Variants in COPG2 observed in about 807,000 individuals in gnomAD.
COPG2 encodes the protein coat protein complex I subunit gamma 2, also known as coatomer subunit gamma-2.
Under a neutral mutation model 46.3 loss-of-function variants are expected in COPG2, and 37 were observed. That is an observed-to-expected ratio of 0.80 (90% CI 0.61 to 1.05). COPG2 has a LOEUF of 1.05. COPG2 is among the 50% of genes least tolerant of loss of function. The pLI is 0.00. For missense variants in COPG2, 427 were observed against 387.8 expected (o/e 1.10, Z -0.85); for synonymous variants, 159 against 129.7 (o/e 1.23, Z -1.53).
intron 8 of COPG2, 95 bp downstream of exon 8, chr7:130,612,057 T>C: frequency 1.2e-6 from 1 of 852,534 alleles, no homozygotes; most frequent in South Asian, 1.5e-5. Flanking sequence ...TTGCCTTTAG[T>C]TAATGTTTAT....
At chr7:130,517,757 C>T (rs1423845027) in intron 20 of COPG2, among the ~76,000 whole-genome samples, 1 of 152,130 alleles carries the variant, frequency 6.6e-6, no homozygotes, top group African/African-American at 2.4e-5. Flanking sequence ...TAGAGCATAA[C>T]AGGATAAGAA....
chr7:130,576,427 G>A (rs894760715), intron 9 of COPG2, among the ~76,000 whole-genome samples: 26 of 152,200 alleles, frequency 1.7e-4, no homozygotes, highest in Admixed American at 5.9e-4. Context: ...CTTCAAAACC[G>A]TGCAAATACA....
intron 9 of COPG2, among the ~76,000 whole-genome samples, chr7:130,593,954 G>A (rs1197061841): frequency 6.6e-6 from 1 of 151,870 alleles, no homozygotes; most frequent in Non-Finnish European, 1.5e-5. Flanking sequence ...TTACACTTAC[G>A]GAGCTCTGTT....
chr7:130,557,826 AAAAAAAAAAAAAT>A (rs1434507703), intron 12 of COPG2, among the ~76,000 whole-genome samples: 9 of 147,364 alleles, frequency 6.1e-5, no homozygotes, highest in South Asian at 2.1e-4. Flanking sequence ...TCAAAAAAAA[AAAAAAAAAAAAAT>A]CATGCAAGAA....
chr7:130,589,904 T>C (rs1554448569), intron 9 of COPG2, among the ~76,000 whole-genome samples: 1 of 152,216 alleles, frequency 6.6e-6, no homozygotes, highest in Non-Finnish European at 1.5e-5. Context: ...TATATTTGGA[T>C]ACTAGTCCTC....
intron 20 of COPG2, among the ~76,000 whole-genome samples, chr7:130,510,792 C>T (rs547373982): frequency 6.6e-6 from 1 of 152,206 alleles, no homozygotes; most frequent in African/African-American, 2.4e-5. Flanking sequence ...GAAGTCTAGG[C>T]AGTAATCTGT....
chr7:130,604,674 T>C (rs1554450954), intron 9 of COPG2: 2 of 504,476 alleles, frequency 4.0e-6, no homozygotes, highest in East Asian at 5.5e-5. Context: ...TCTTCACTTA[T>C]TGCACAAAGT....
At chr7:130,622,579 T>C (rs1351942148) in intron 5 of COPG2, among the ~76,000 whole-genome samples, 1 of 152,202 alleles carries the variant, frequency 6.6e-6, no homozygotes, top group African/African-American at 2.4e-5. Context: ...GCAATCACTA[T>C]TTCTACAAAA....
intron 20 of COPG2, among the ~76,000 whole-genome samples, chr7:130,513,359 GTATATATATATATATA>G (rs1159332493): frequency 0.03 from 1,110 of 36,622 alleles, 29 homozygotes; most frequent in South Asian, 0.044. Flanking sequence ...GTGTGTGTGT[GTATATATATATATATA>G]TGTGTGTGTG....
intron 4 of COPG2, among the ~76,000 whole-genome samples, chr7:130,659,703 GGAA>G (rs1795936007): frequency 6.6e-6 from 1 of 152,100 alleles, no homozygotes; most frequent in African/African-American, 2.4e-5. Context: ...AAAGAGGTCA[GGAA>G]ATTGAGACCA....
At chr7:130,513,308 A>AATATATATATATAT (rs1197540092) in intron 20 of COPG2, among the ~76,000 whole-genome samples, 17 of 55,640 alleles carry the variant, frequency 3.1e-4, no homozygotes, top group African/African-American at 3.8e-4. Flanking sequence ...AAAAAAAAAA[A>AATATATATATATAT]ATATATATAT....
intron 5 of COPG2, among the ~76,000 whole-genome samples, chr7:130,648,205 A>G (rs920818583): frequency 1.7e-4 from 26 of 152,040 alleles, no homozygotes; most frequent in Non-Finnish European, 4.4e-5. Context: ...GGTCATCTAT[A>G]ATATTAGTTT....
At position 130,586,071 on chromosome 7, in the gene COPG2, G is replaced by A. The variant is rs1282297628; in HGVS notation, c.738-21678C>T. ...GCAAAATCATGGAACCAACCCAAATGCCCATCAATCAACAAGTGGATAAGG... is the reference window on the plus strand; with the variant it reads ...GCAAAATCATGGAACCAACCCAAATACCCATCAATCAACAAGTGGATAAGG... On this transcript the variant is annotated intron_variant, in intron 9 of 23. Coordinates refer to ENST00000425248, the MANE Select transcript of COPG2 (RefSeq NM_012133.6). 1.3e-5 allele frequency among the ~76,000 whole-genome samples: 2 copies of A among 151,962 alleles called. 1 individual carries two copies. The highest frequency in any genetic ancestry group is 2.9e-5 in the Non-Finnish European group (2 of 67,984).
chr7:130,668,608 G>A, intron 1 of COPG2, 24 bp downstream of exon 1: 1 of 1,518,684 alleles, frequency 6.6e-7, no homozygotes, highest in Non-Finnish European at 8.8e-7. Context: ...GGCTGAGGGT[G>A]GGCCTCGGAA....
At chr7:130,618,733 T>C (rs1214970291) in intron 5 of COPG2, among the ~76,000 whole-genome samples, 2 of 152,216 alleles carry the variant, frequency 1.3e-5, no homozygotes, top group African/African-American at 2.4e-5. Context: ...CAAAGGCTGA[T>C]ACTATTTTGT....
intron 1 of COPG2, among the ~76,000 whole-genome samples, chr7:130,668,380 G>A (rs531199456): frequency 4.7e-5 from 7 of 149,788 alleles, no homozygotes; most frequent in South Asian, 2.1e-4. Flanking sequence ...CGCCGCAAGA[G>A]GGGCGGGAAC....
chr7:130,536,809 C>T (rs1257003730), intron 20 of COPG2, among the ~76,000 whole-genome samples: 1 of 152,120 alleles, frequency 6.6e-6, no homozygotes, highest in Non-Finnish European at 1.5e-5. Flanking sequence ...GTCCGAGACT[C>T]GAGGACTCAG....
intron 9 of COPG2, among the ~76,000 whole-genome samples, chr7:130,596,953 A>G (rs1794539731): frequency 6.6e-6 from 1 of 152,232 alleles, no homozygotes; most frequent in Admixed American, 6.5e-5. Context: ...CCATCTTGGA[A>G]TTAAATCTTT....
intron 17 of COPG2, among the ~76,000 whole-genome samples, chr7:130,550,307 A>G (rs1793516879): frequency 6.7e-6 from 1 of 149,182 alleles, no homozygotes; most frequent in Non-Finnish European, 1.5e-5. Flanking sequence ...GCTACTCGGA[A>G]GGCTGAGGAA....
Sources: allele counts gnomAD v4.1 joint callset (sites outside exome capture counted in the v4.1 genomes callset), GRCh38; gene constraint gnomAD v4.1.1; transcripts MANE v1.5; gene names NCBI Gene and HGNC (gene_info 2026-07-23, HGNC 2026-07-21).